FHIT: variants seen among roughly 807,000 people sequenced by gnomAD.
FHIT encodes fragile histidine triad diadenosine triphosphatase, also known as bis(5'-adenosyl)-triphosphatase.
FHIT carries 19 observed loss-of-function variants against 17.9 expected under a neutral mutation model. That is an observed-to-expected ratio of 1.06 (90% CI 0.74 to 1.56). The LOEUF (loss-of-function observed/expected upper bound fraction) is 1.56. FHIT is among the 40% of genes most tolerant of loss of function. FHIT has a pLI of 0.00. For missense variants in FHIT, 248 were observed against 189.2 expected, an observed-to-expected ratio of 1.31 and a Z score of -1.82; for synonymous variants, 81 against 69.7, an observed-to-expected ratio of 1.16 and a Z score of -0.81.
At chr3:59,920,940 G>C (rs769563190) in intron 8 of FHIT, among the ~76,000 whole-genome samples, 5 of 152,160 alleles carry the variant, frequency 3.3e-5, no homozygotes, top group South Asian at 4.1e-4. Context: ...GTCTCCTGGG[G>C]ATTTCCTTAT....
At chr3:61,191,818 T>C (rs2038724655) in intron 2 of FHIT, among the ~76,000 whole-genome samples, 1 of 151,912 alleles carries the variant, frequency 6.6e-6, no homozygotes, top group Admixed American at 6.6e-5. Context: ...TCTGATTGCT[T>C]AACATGCCGG....
chr3:60,953,918 G>C (rs1356173457), intron 3 of FHIT, among the ~76,000 whole-genome samples: 1 of 151,972 alleles, frequency 6.6e-6, no homozygotes, highest in Non-Finnish European at 1.5e-5. Context: ...AAACTCTTTT[G>C]TTTTCAGTTC....
chr3:60,396,522 TAAGTGA>T (rs546249656), intron 5 of FHIT, among the ~76,000 whole-genome samples: 44 of 152,110 alleles, frequency 2.9e-4, no homozygotes, highest in African/African-American at 1.0e-3. Flanking sequence ...TCATAGTGGC[TAAGTGA>T]AAGAAACCAG....
At chr3:61,223,136 C>T (rs1028242234) in intron 1 of FHIT, among the ~76,000 whole-genome samples, 2 of 152,136 alleles carry the variant, frequency 1.3e-5, no homozygotes, top group African/African-American at 4.8e-5. Flanking sequence ...ACAATAGAAA[C>T]ATAATATTTA....
intron 7 of FHIT, among the ~76,000 whole-genome samples, chr3:59,985,347 C>T (rs2107448247): frequency 6.6e-6 from 1 of 152,206 alleles, no homozygotes; most frequent in South Asian, 2.1e-4. Context: ...GCCAAAACTC[C>T]AGACATAGGG....
At chr3:60,533,648 G>C (rs934353134) in intron 5 of FHIT, among the ~76,000 whole-genome samples, 1 of 152,140 alleles carries the variant, frequency 6.6e-6, no homozygotes, top group Non-Finnish European at 1.5e-5. Flanking sequence ...AAGCACTTCA[G>C]ATGAAATGAA....
rs1052878057 is a variant in FHIT, at chr3:59,882,203, A to AG, written c.348+40142_348+40143insC. Among the ~76,000 whole-genome samples the AG allele has an allele frequency of 2.4e-3, 362 of 152,228 alleles. 1 individual carries two copies. The highest frequency in any genetic ancestry group is 8.2e-3 in the African/African-American group (342 of 41,512). On this transcript the variant is annotated intron_variant, in intron 8 of 9. Transcript: ENST00000492590. ...CTGCTGGTAGGAAATGCAAAATGTA[A>AG]AAGTCTTAAAATACATTTAGATATG... is the stretch of plus-strand genomic sequence containing the variant.
intron 5 of FHIT, among the ~76,000 whole-genome samples, chr3:60,522,312 T>A (rs763037985): frequency 1.3e-5 from 2 of 152,114 alleles, no homozygotes; most frequent in African/African-American, 4.8e-5. Context: ...GGTTTCACCA[T>A]GTTGGCCAGG....
At chr3:60,089,498 T>C (rs1703640328) in intron 5 of FHIT, among the ~76,000 whole-genome samples, 1 of 152,196 alleles carries the variant, frequency 6.6e-6, no homozygotes, top group South Asian at 2.1e-4. Flanking sequence ...AGTGGATAAA[T>C]GGACGGAAAG....
chr3:60,710,062 C>T (rs1405830795), intron 4 of FHIT, among the ~76,000 whole-genome samples: 3 of 136,200 alleles, frequency 2.2e-5, no homozygotes, highest in Non-Finnish European at 4.6e-5. Flanking sequence ...CCCATTTCAG[C>T]ACACAGAATG....
chr3:60,266,877 T>G (rs539902542), intron 5 of FHIT, among the ~76,000 whole-genome samples: 1 of 152,120 alleles, frequency 6.6e-6, no homozygotes, highest in South Asian at 2.1e-4. Context: ...GTGATAAGTA[T>G]TTACAAAACC....
At chr3:60,840,598 G>C (rs1256952249) in intron 3 of FHIT, among the ~76,000 whole-genome samples, 1 of 152,168 alleles carries the variant, frequency 6.6e-6, no homozygotes, top group Non-Finnish European at 1.5e-5. Context: ...TCTGAAATAG[G>C]TAAAGAGTGT....
At chr3:59,801,630 C>G (rs768938155) in intron 8 of FHIT, among the ~76,000 whole-genome samples, 17 of 152,078 alleles carry the variant, frequency 1.1e-4, no homozygotes, top group Non-Finnish European at 2.4e-4. Context: ...CAGGGTGACC[C>G]AATGCTCTGT....
rs1170983472 is a variant in FHIT at position 60,882,804 on chromosome 3, C to G, written c.-110-60793G>C. Among the ~76,000 whole-genome samples the G allele has an allele frequency of 3.9e-5, 6 of 152,138 alleles. No homozygotes were observed. The East Asian group carries it at 1.2e-3, about 29-fold the overall frequency. On this transcript the variant is annotated intron_variant, in intron 3 of 9. Coordinates refer to ENST00000492590, the MANE Select transcript of FHIT (RefSeq NM_002012.4). ...AAAGCTTTTCTTCTAAGAACTAGAA[C>G]AAGACCATGATGCCCACTCCCACCA...
chr3:59,822,672 T>G (rs943416909), intron 8 of FHIT, among the ~76,000 whole-genome samples: 3 of 152,200 alleles, frequency 2.0e-5, no homozygotes, highest in Non-Finnish European at 4.4e-5. Flanking sequence ...GCTAATTTAT[T>G]TGAGTTCCTT....
At chr3:59,863,545 T>C (rs1702499136) in intron 8 of FHIT, among the ~76,000 whole-genome samples, 1 of 152,198 alleles carries the variant, frequency 6.6e-6, no homozygotes, top group African/African-American at 2.4e-5. Context: ...TGAGTGACCA[T>C]AAACCCAATG....
intron 5 of FHIT, among the ~76,000 whole-genome samples, chr3:60,446,894 AATAAT>A (rs2031374745): frequency 2.1e-5 from 3 of 145,602 alleles, no homozygotes; most frequent in African/African-American, 4.9e-5. Flanking sequence ...TAATAATAAT[AATAAT>A]AAAAAGCCTT....
At chr3:61,153,121 T>G (rs2037441088) in intron 2 of FHIT, among the ~76,000 whole-genome samples, 1 of 135,564 alleles carries the variant, frequency 7.4e-6, no homozygotes, top group African/African-American at 2.8e-5. Flanking sequence ...CCAGCCTGGG[T>G]GCCAGAGCAA....
intron 5 of FHIT, among the ~76,000 whole-genome samples, chr3:60,238,447 C>CAA (rs374701930): frequency 0.69 from 80,560 of 117,130 alleles, 28,600 homozygotes; most frequent in East Asian, 0.88. Context: ...CTGTACTAAG[C>CAA]AAAAAAAAAA....
Sources: allele counts gnomAD v4.1 joint callset (sites outside exome capture counted in the v4.1 genomes callset), GRCh38; gene constraint gnomAD v4.1.1; transcripts MANE v1.5; gene names NCBI Gene and HGNC (gene_info 2026-07-23, HGNC 2026-07-21).